BMPR2: variants seen among roughly 807,000 people sequenced by gnomAD.
The protein encoded by BMPR2 is bone morphogenetic protein receptor type 2.
BMPR2 carries 29 observed loss-of-function variants against 100.8 expected under a neutral mutation model. The observed-to-expected ratio is 0.29, with a 90% CI of 0.21 to 0.39. BMPR2 has a LOEUF of 0.39. BMPR2 is among the 10% of genes least tolerant of loss of function. The probability of loss-of-function intolerance (pLI) is 1.00; values close to 1 mark genes in which losing one functional copy is unlikely to be tolerated. For missense variants in BMPR2, 1,011 were observed against 1,274.5 expected, an observed-to-expected ratio of 0.79 and a Z score of 3.15; for synonymous variants, 382 against 442.3, an observed-to-expected ratio of 0.86 and a Z score of 1.71.
In BMPR2 at chr2:202,562,138, T is replaced by C. The variant is rs970086171; in HGVS notation, c.*2192T>C. The C allele has an allele frequency of 1.3e-5, 2 of 152,242 alleles. No homozygotes were observed. The highest frequency in any genetic ancestry group is 2.9e-5 in the Non-Finnish European group (2 of 67,996). 9.4% of individuals were successfully genotyped at this position (152,242 alleles called of 1,614,324 possible). On this transcript the variant is annotated 3_prime_UTR_variant, in exon 13 of 13. Coordinates refer to ENST00000374580, the MANE Select transcript of BMPR2 (RefSeq NM_001204.7). ...AGGACAACTTTGAATCAAAATAAAT[T>C]ATGTTCCTTCTCCAATTTGAAGCAT... is the stretch of plus-strand genomic sequence containing the variant.
At chr2:202,547,781 CAA>C (rs373601864) in intron 10 of BMPR2, among the ~76,000 whole-genome samples, 15 of 56,882 alleles carry the variant, frequency 2.6e-4, no homozygotes, top group African/African-American at 4.5e-4. Flanking sequence ...AGATCCATCA[CAA>C]AAAAAAAAAA....
At chr2:202,481,366 A>G (rs765580403) in intron 3 of BMPR2, among the ~76,000 whole-genome samples, 4 of 152,006 alleles carry the variant, frequency 2.6e-5, no homozygotes, top group Non-Finnish European at 2.9e-5. Context: ...TTTAGTAGAG[A>G]CAGGGTTTCA....
intron 3 of BMPR2, among the ~76,000 whole-genome samples, chr2:202,513,440 G>C (rs1687658170): frequency 6.6e-6 from 1 of 152,094 alleles, no homozygotes; most frequent in Non-Finnish European, 1.5e-5. Context: ...ATACTATCCT[G>C]TCTAATCTGT....
chr2:202,442,388 T>G (rs1436788113), intron 1 of BMPR2, among the ~76,000 whole-genome samples: 1 of 150,684 alleles, frequency 6.6e-6, no homozygotes, highest in Non-Finnish European at 1.5e-5. Flanking sequence ...GTGATTAACT[T>G]CATGGTTCAT....
chr2:202,476,996 A>G (rs1692564480), intron 3 of BMPR2, among the ~76,000 whole-genome samples: 1 of 151,708 alleles, frequency 6.6e-6, no homozygotes, highest in African/African-American at 2.4e-5. Flanking sequence ...ATAAGGTTTC[A>G]CTTGATTGTT....
chr2:202,381,652 G>C (rs1690295932), intron 1 of BMPR2, among the ~76,000 whole-genome samples: 1 of 152,162 alleles, frequency 6.6e-6, no homozygotes, highest in Non-Finnish European at 1.5e-5. Flanking sequence ...ATTCTCAGTA[G>C]ACCACATATA....
intron 4 of BMPR2, 41 bp downstream of exon 4, chr2:202,513,870 G>A: frequency 7.0e-7 from 1 of 1,428,720 alleles, no homozygotes; most frequent in Non-Finnish European, 9.8e-7. Flanking sequence ...TATTAAACAT[G>A]CAATTTAATC....
At chr2:202,531,399 C>T (rs1263079544) in intron 8 of BMPR2, among the ~76,000 whole-genome samples, 4 of 152,134 alleles carry the variant, frequency 2.6e-5, no homozygotes, top group African/African-American at 9.7e-5. Context: ...TAAAGTTCAT[C>T]AGTTTATTTT....
At chr2:202,410,232 G>T (rs941112837) in intron 1 of BMPR2, among the ~76,000 whole-genome samples, 1 of 151,936 alleles carries the variant, frequency 6.6e-6, no homozygotes, top group African/African-American at 2.4e-5. Context: ...TGATCCGCCC[G>T]CCTCGGCTTC....
In BMPR2 at chr2:202,565,451, T is replaced by TG; in HGVS notation, c.*5507dup. On this transcript the variant is annotated 3_prime_UTR_variant, in exon 13 of 13. Coordinates refer to ENST00000374580, the MANE Select transcript of BMPR2 (RefSeq NM_001204.7). ...GAGTTAAGATGTTTCTATTTGAAAG[T>TG]GGATTCAACCATCAGACCACCAGCA... The TG allele has an allele frequency of 6.5e-6, 1 of 152,676 alleles. No homozygotes were observed. Among genetic ancestry groups the TG allele is most frequent in the East Asian group, 1.9e-4 (1 of 5,192 alleles). The allele number at this position is 152,676 out of a possible 1,614,324, so 9.5% of individuals were successfully genotyped here.
chr2:202,514,088 A>G (rs981581440), intron 4 of BMPR2, among the ~76,000 whole-genome samples: 3 of 152,094 alleles, frequency 2.0e-5, no homozygotes, highest in Non-Finnish European at 2.9e-5. Flanking sequence ...TTATATATCT[A>G]TAAATATTAT....
chr2:202,499,488 G>C (rs964654783), intron 3 of BMPR2, among the ~76,000 whole-genome samples: 1 of 152,132 alleles, frequency 6.6e-6, no homozygotes, highest in South Asian at 2.1e-4. Context: ...CTGTTGACCT[G>C]TGTTCTAGAA....
At chr2:202,475,297 G>T (rs1574468032) in intron 3 of BMPR2, among the ~76,000 whole-genome samples, 2 of 152,046 alleles carry the variant, frequency 1.3e-5, no homozygotes, top group African/African-American at 4.8e-5. Flanking sequence ...GCTTCCCAAA[G>T]TGTTGGAATT....
At chr2:202,465,127 T>G in intron 2 of BMPR2, 148 bp downstream of exon 2, 1 of 1,042,616 alleles carries the variant, frequency 9.6e-7, no homozygotes, top group Non-Finnish European at 1.4e-6. Flanking sequence ...GGCTCATGCC[T>G]GTAATTCCAG....
chr2:202,535,187 C>A (rs1191192760), intron 9 of BMPR2, among the ~76,000 whole-genome samples: 2 of 143,712 alleles, frequency 1.4e-5, no homozygotes, highest in Admixed American at 6.9e-5. Flanking sequence ...GGGGGCTGAC[C>A]CCCCCCACCT....
At chr2:202,511,158 T>G (rs1449455281) in intron 3 of BMPR2, among the ~76,000 whole-genome samples, 1 of 152,210 alleles carries the variant, frequency 6.6e-6, no homozygotes, top group Admixed American at 6.5e-5. Flanking sequence ...CACTCCCTAT[T>G]TCTTCCTCTC....
rs999569930 is a variant in BMPR2, at chr2:202,483,861, G to T, written c.418+16172G>T. On this transcript the variant is annotated intron_variant, in intron 3 of 12. Transcript: ENST00000374580. ...AATCCCAATACTTCAGGAGGCTGAG[G>T]TGGGAAAATCATTTGATGCCAGGAA... 2.0e-5 allele frequency among the ~76,000 whole-genome samples: 3 copies of T among 152,242 alleles called. No homozygotes were observed. In the South Asian group the frequency reaches 6.2e-4, roughly 31 times the overall value.
At chr2:202,555,151 T>C in intron 11 of BMPR2, 101 bp from the exon 12 acceptor site, 1 of 1,119,002 alleles carries the variant, frequency 8.9e-7, no homozygotes, top group African/African-American at 1.6e-5. Context: ...TGGAAGAAAA[T>C]GAAAAACAAC....
intron 1 of BMPR2, among the ~76,000 whole-genome samples, chr2:202,464,284 A>G (rs928044671): frequency 5.3e-5 from 8 of 151,730 alleles, no homozygotes; most frequent in Non-Finnish European, 1.0e-4. Flanking sequence ...TGCAATGGTT[A>G]CCAGTTTAAT....
Sources: gnomAD v4.1 joint callset for allele counts (sites outside exome capture counted in the v4.1 genomes callset) on GRCh38, gnomAD v4.1.1 for gene constraint, MANE v1.5 for transcripts, NCBI Gene and HGNC (gene_info 2026-07-23, HGNC 2026-07-21) for gene names.